LZTFL1: variants seen among roughly 807,000 people sequenced by gnomAD.
LZTFL1 encodes leucine zipper transcription factor-like protein 1.
In LZTFL1, 25 loss-of-function variants were observed where a neutral mutation model predicts 45.9. The ratio of observed to expected loss-of-function variants is 0.54; its 90% CI spans 0.40 to 0.76. The LOEUF is 0.76. Among genes scored for constraint, LZTFL1 ranks in the 30% least tolerant of loss-of-function variants. The probability of loss-of-function intolerance (pLI) is 0.00; values close to 1 mark genes in which losing one functional copy is unlikely to be tolerated. For missense variants in LZTFL1, 277 were observed against 331.1 expected (o/e 0.84, Z 1.27); for synonymous variants, 93 against 117.4 (o/e 0.79, Z 1.35).
intron 2 of LZTFL1, among the ~76,000 whole-genome samples, chr3:45,894,500 A>G (rs1290799625): frequency 1.3e-5 from 2 of 152,158 alleles, no homozygotes; most frequent in Non-Finnish European, 2.9e-5. Flanking sequence ...GGGAAGGGGA[A>G]CCAGTCAGCA....
chr3:45,903,697 G>A (rs1049533830), intron 2 of LZTFL1, among the ~76,000 whole-genome samples: 6 of 152,364 alleles, frequency 3.9e-5, no homozygotes, highest in African/African-American at 9.6e-5. Flanking sequence ...GGGGTGAAGC[G>A]CAGGCCTTGC....
intron 2 of LZTFL1, among the ~76,000 whole-genome samples, chr3:45,866,451 A>T (rs1033572584): frequency 6.6e-6 from 1 of 152,232 alleles, no homozygotes; most frequent in African/African-American, 2.4e-5. Context: ...TTTCACGTCC[A>T]CCATACAGTC....
At chr3:45,890,561 A>G (rs1169164295) in intron 2 of LZTFL1, among the ~76,000 whole-genome samples, 1 of 151,074 alleles carries the variant, frequency 6.6e-6, no homozygotes, top group Non-Finnish European at 1.5e-5. Flanking sequence ...TTCTTATTTC[A>G]AAACAGAGGC....
In LZTFL1 at chr3:45,876,712, A is replaced by G. The variant is rs986112308; in HGVS notation, c.-214-17696T>C. 4.6e-5 allele frequency among the ~76,000 whole-genome samples: 7 copies of G among 152,326 alleles called. No individual in the cohort carries two copies. The East Asian group carries it at 7.7e-4, about 17-fold the overall frequency. On this transcript the variant is annotated intron_variant, in intron 2 of 4. Transcript: ENST00000472635. The stretch of plus-strand genomic sequence containing the variant: ...GAAAATGTTTTGCCCAGCGTCACCT[A>G]GTAAAGCACCGTCTTGACACCAAAG...
At chr3:45,895,080 C>A in intron 2 of LZTFL1, 1 of 1,012,714 alleles carries the variant, frequency 9.9e-7, no homozygotes, top group Non-Finnish European at 1.6e-6. Context: ...AAGATCTCTG[C>A]CTGGCAATGC....
chr3:45,828,773 A>G (rs1700736680), intron 7 of LZTFL1, among the ~76,000 whole-genome samples, 158 bp from the exon 8 acceptor site: 1 of 152,196 alleles, frequency 6.6e-6, no homozygotes, highest in Admixed American at 6.5e-5. Flanking sequence ...CAGCCCCTTC[A>G]GAGTCACCAG....
chr3:45,854,710 A>G (rs1286815245), intron 4 of LZTFL1, among the ~76,000 whole-genome samples: 3 of 152,234 alleles, frequency 2.0e-5, no homozygotes, highest in African/African-American at 7.2e-5. Context: ...CTCATAATCC[A>G]TCAGTGTGTC....
At chr3:45,837,243 G>A (rs925602135) in intron 2 of LZTFL1, among the ~76,000 whole-genome samples, 1 of 151,816 alleles carries the variant, frequency 6.6e-6, no homozygotes. Flanking sequence ...ATATGTTCTC[G>A]CCAATTAAAT....
intron 4 of LZTFL1, 95 bp from the exon 5 acceptor site, chr3:45,833,216 T>C (rs927674118): frequency 9.6e-6 from 8 of 831,352 alleles, no homozygotes; most frequent in Non-Finnish European, 1.6e-5. Context: ...AGATACTATA[T>C]ATAAACATAT....
chr3:45,870,351 A>G (rs1701652306), intron 2 of LZTFL1, among the ~76,000 whole-genome samples: 1 of 152,222 alleles, frequency 6.6e-6, no homozygotes, highest in Non-Finnish European at 1.5e-5. Context: ...AAACTAAGTT[A>G]TCAGTTAATC....
chr3:45,896,685 T>C (rs1224667501), intron 2 of LZTFL1, among the ~76,000 whole-genome samples: 5 of 152,210 alleles, frequency 3.3e-5, no homozygotes, highest in Admixed American at 3.3e-4. Context: ...CAGGTCTCAA[T>C]GTTGGGATTT....
chr3:45,890,532 T>C (rs1450457081), intron 2 of LZTFL1, among the ~76,000 whole-genome samples: 1 of 150,608 alleles, frequency 6.6e-6, no homozygotes, highest in Non-Finnish European at 1.5e-5. Context: ...GTGGCTGCTT[T>C]TCTGCTTGCT....
chr3:45,889,026 C>T (rs1702065660), intron 2 of LZTFL1, among the ~76,000 whole-genome samples: 1 of 152,236 alleles, frequency 6.6e-6, no homozygotes, highest in African/African-American at 2.4e-5. Flanking sequence ...TGCTCTGTCA[C>T]TCAGGCTGCA....
chr3:45,864,602 T>C (rs1701549570), intron 2 of LZTFL1, among the ~76,000 whole-genome samples: 1 of 152,188 alleles, frequency 6.6e-6, no homozygotes, highest in Admixed American at 6.5e-5. Flanking sequence ...AGTCCTAATT[T>C]TATGTATTAA....
At chr3:45,828,353 C>A in intron 8 of LZTFL1, 86 bp downstream of exon 8, 1 of 1,188,074 alleles carries the variant, frequency 8.4e-7, no homozygotes, top group Non-Finnish European at 1.2e-6. Flanking sequence ...AGTTGTCCAA[C>A]GTTTATCTTA....
intron 2 of LZTFL1, among the ~76,000 whole-genome samples, chr3:45,865,737 A>G (rs1701568231): frequency 6.6e-6 from 1 of 152,242 alleles, no homozygotes; most frequent in African/African-American, 2.4e-5. Flanking sequence ...ACAGTTTGGC[A>G]GTTCCTCAAA....
chr3:45,855,036 G>A lies in LZTFL1; in HGVS notation c.-99C>T, dbSNP rs934605978. 1.6e-5 allele frequency: 25 copies of A among 1,535,116 alleles called. No homozygotes were observed. Among genetic ancestry groups the A allele is most frequent in the Non-Finnish European group, 1.9e-5 (22 of 1,146,328 alleles). On this transcript the variant is annotated 5_prime_UTR_variant, in exon 4 of 5. Transcript: ENST00000472635. ...AGCTTCTTGGAAAAGTCACCAAAGG[G>A]TGGGTAGGGTACAACTTGATGGATT...
chr3:45,895,435 G>A (rs947555480), intron 2 of LZTFL1, among the ~76,000 whole-genome samples: 1 of 152,212 alleles, frequency 6.6e-6, no homozygotes, highest in Non-Finnish European at 1.5e-5. Context: ...GTCAGTCTGG[G>A]CGTGGTAGCT....
chr3:45,828,602 G>T lies in LZTFL1; in HGVS notation c.614C>A (p.Ala205Asp). The T allele has an allele frequency of 2.5e-6, 4 of 1,605,998 alleles. No homozygotes were observed. Among genetic ancestry groups the T allele is most frequent in the Non-Finnish European group, 3.4e-6 (4 of 1,177,760 alleles). ...DQGNQKDFIK[A>D]QDLSNLENTV... ...GTTTTCTAAGTTACTTAAGTCTTGG[G>T]CCTTTATAAAATCCTATGAAAAATA... Residue 205 changes from alanine to aspartate, a missense_variant, in exon 8 of 10, where the codon GCC (alanine) becomes GAC (aspartate). Ala to Asp is a moderately radical substitution (Grantham distance 126, BLOSUM62 -2). Transcript: ENST00000296135.
Sources: gnomAD v4.1 joint callset for allele counts (sites outside exome capture counted in the v4.1 genomes callset) on GRCh38, gnomAD v4.1.1 for gene constraint, MANE v1.5 for transcripts, NCBI Gene and HGNC (gene_info 2026-07-23, HGNC 2026-07-21) for gene names.